Variants in MYO3A observed in about 807,000 individuals in gnomAD.
The protein encoded by MYO3A is myosin-IIIa.
In MYO3A, 180 loss-of-function variants were observed where a neutral mutation model predicts 192.7. That is an observed-to-expected ratio of 0.93 (90% CI 0.83 to 1.06). MYO3A has a LOEUF of 1.06. Among genes scored for constraint, MYO3A ranks in the 50% least tolerant of loss-of-function variants. MYO3A has a pLI of 0.00. For missense variants in MYO3A, 1,896 were observed against 1,905.0 expected (o/e 1.00, Z 0.09); for synonymous variants, 628 against 645.3 (o/e 0.97, Z 0.41).
chr10:25,963,290 T>C (rs890773774), intron 4 of MYO3A, among the ~76,000 whole-genome samples: 3 of 152,212 alleles, frequency 2.0e-5, no homozygotes, highest in African/African-American at 7.2e-5. Context: ...GTCATCAAAG[T>C]GGTTTTTATA....
intron 32 of MYO3A, 126 bp downstream of exon 32, chr10:26,193,437 C>G: frequency 1.3e-6 from 1 of 755,764 alleles, no homozygotes; most frequent in South Asian, 1.5e-5. Flanking sequence ...GCTTGGTCTC[C>G]TCTTCACTGC....
chr10:25,950,294 T>C (rs1481229626), intron 2 of MYO3A, among the ~76,000 whole-genome samples: 1 of 151,706 alleles, frequency 6.6e-6, no homozygotes, highest in Non-Finnish European at 1.5e-5. Context: ...GATTTATTAT[T>C]CCTTCCATTT....
At chr10:26,107,165 G>T (rs1359493751) in intron 17 of MYO3A, among the ~76,000 whole-genome samples, 1 of 151,994 alleles carries the variant, frequency 6.6e-6, no homozygotes, top group African/African-American at 2.4e-5. Context: ...GAAGACTGGG[G>T]ACAATGTCTT....
At chr10:26,071,594 C>T (rs1464427502) in intron 14 of MYO3A, among the ~76,000 whole-genome samples, 3 of 151,966 alleles carry the variant, frequency 2.0e-5, no homozygotes, top group Non-Finnish European at 4.4e-5. Flanking sequence ...AAACACAACC[C>T]ACAGACTCAG....
chr10:26,153,899 G>A lies in MYO3A; in HGVS notation c.2685G>A (p.Arg895=). Residue 895 remains arginine (R), a synonymous_variant, in exon 24 of 35, where the codon AGG becomes AGA. Transcript: ENST00000642920. ...KTKNVINYQM[R]TSEKLINLAK... Reference sequence around the variant, plus strand: ...AAAATGTTATAAACTATCAAATGAGGACTTCAGAAAAATTAATCAACCTGG... The same window carrying A: ...AAAATGTTATAAACTATCAAATGAGAACTTCAGAAAAATTAATCAACCTGG... 6.3e-7 allele frequency: 1 copy of A among 1,596,012 alleles called. No homozygotes were observed. Among genetic ancestry groups the A allele is most frequent in the Non-Finnish European group, 8.6e-7 (1 of 1,163,930 alleles).
intron 10 of MYO3A, among the ~76,000 whole-genome samples, chr10:26,048,504 A>G (rs1588857389): frequency 6.6e-6 from 1 of 152,134 alleles, no homozygotes; most frequent in Admixed American, 6.5e-5. Flanking sequence ...TTTCATGTCT[A>G]TTCCCACAAG....
chr10:26,116,017 A>C (rs1838481412), intron 17 of MYO3A, among the ~76,000 whole-genome samples: 1 of 152,170 alleles, frequency 6.6e-6, no homozygotes, highest in South Asian at 2.1e-4. Context: ...ACTGTGTCTC[A>C]CATATTAACA....
At chr10:25,952,580 A>G (rs1329750999) in intron 3 of MYO3A, among the ~76,000 whole-genome samples, 1 of 152,166 alleles carries the variant, frequency 6.6e-6, no homozygotes, top group South Asian at 2.1e-4. Flanking sequence ...TTGTAAAGAT[A>G]CAAACTCAGG....
At chr10:26,001,500 C>A (rs1269627242) in intron 6 of MYO3A, among the ~76,000 whole-genome samples, 2 of 152,208 alleles carry the variant, frequency 1.3e-5, no homozygotes, top group Admixed American at 6.5e-5. Context: ...CAGACTTAAT[C>A]TGCAGGAGGA....
chr10:26,051,705 A>G lies in MYO3A; in HGVS notation c.954-15270A>G, dbSNP rs140506335. ...CACTTCAGACTCCTCTTTTCTCCAG[A>G]TTTTTTGCCTATTACAAGGTCAGCA... On this transcript the variant is annotated intron_variant, in intron 10 of 34. Transcript: ENST00000642920. Among the ~76,000 whole-genome samples the G allele has an allele frequency of 1.6e-3, 246 of 151,812 alleles. 3 individuals carry two copies. The highest frequency in any genetic ancestry group is 5.5e-3 in the African/African-American group (226 of 41,430).
intron 10 of MYO3A, among the ~76,000 whole-genome samples, chr10:26,046,794 A>G (rs1452805280): frequency 6.6e-6 from 1 of 152,230 alleles, no homozygotes; most frequent in Non-Finnish European, 1.5e-5. Context: ...CAAGGATGAG[A>G]TCGTAACATG....
intron 7 of MYO3A, among the ~76,000 whole-genome samples, chr10:26,020,252 G>C (rs1842233852): frequency 6.6e-6 from 1 of 152,058 alleles, no homozygotes; most frequent in South Asian, 2.1e-4. Context: ...AGTGTCTGTT[G>C]CCCGATATGT....
intron 2 of MYO3A, among the ~76,000 whole-genome samples, chr10:25,948,819 G>A (rs1837024056): frequency 6.6e-6 from 1 of 151,990 alleles, no homozygotes; most frequent in South Asian, 2.1e-4. Context: ...CCTATGTGTT[G>A]GGAGTTTTGT....
At chr10:26,068,927 T>C (rs1242649253) in intron 12 of MYO3A, 43 bp downstream of exon 12, 1 of 1,238,672 alleles carries the variant, frequency 8.1e-7, no homozygotes, top group South Asian at 1.2e-5. Flanking sequence ...TACACATAAT[T>C]ATACATTCAG....
intron 4 of MYO3A, among the ~76,000 whole-genome samples, chr10:25,993,989 G>A (rs1168694090): frequency 1.3e-5 from 2 of 152,182 alleles, no homozygotes; most frequent in African/African-American, 4.8e-5. Context: ...CGTATATTCT[G>A]TTGATTTGGG....
chr10:26,188,267 T>C (rs1430479730), intron 31 of MYO3A, among the ~76,000 whole-genome samples: 1 of 152,222 alleles, frequency 6.6e-6, no homozygotes, highest in Non-Finnish European at 1.5e-5. Flanking sequence ...TTTTCATGTG[T>C]TTTTTGGCTG....
At chr10:26,176,983 A>G in intron 31 of MYO3A, 138 bp downstream of exon 31, 4 of 988,138 alleles carry the variant, frequency 4.0e-6, no homozygotes, top group Non-Finnish European at 6.1e-6. Flanking sequence ...TTCATTTCTT[A>G]TATGGAGATA....
At chr10:26,015,280 C>A (rs912318856) in intron 6 of MYO3A, among the ~76,000 whole-genome samples, 1 of 152,068 alleles carries the variant, frequency 6.6e-6, no homozygotes, top group Non-Finnish European at 1.5e-5. Context: ...GAATTTTCCA[C>A]CCATCAGCAG....
At position 26,212,066 on chromosome 10, in the gene MYO3A, G is replaced by T. The variant is rs1250865957; in HGVS notation, c.*103G>T. ...GCTGGCACCAGCAGGCACTGAAGCT[G>T]CGGCCCTGATCTCCGCAGAGGCTGC... On this transcript the variant is annotated 3_prime_UTR_variant, in exon 35 of 35. Transcript: ENST00000642920. The T allele has an allele frequency of 6.8e-7, 1 of 1,479,126 alleles. No individual in the cohort carries two copies. Among genetic ancestry groups the T allele is most frequent in the East Asian group, 2.4e-5 (1 of 41,848 alleles). The allele number at this position is 1,479,126 out of a possible 1,614,324, so 91.6% of individuals were successfully genotyped here. A position where few individuals can be genotyped will look rare whatever the true frequency, so the allele number is the denominator to read the frequency against.
Sources: gnomAD v4.1 joint callset for allele counts (sites outside exome capture counted in the v4.1 genomes callset) on GRCh38, gnomAD v4.1.1 for gene constraint, MANE v1.5 for transcripts, NCBI Gene and HGNC (gene_info 2026-07-23, HGNC 2026-07-21) for gene names.